ZNF143: variants seen among roughly 807,000 people sequenced by gnomAD.
The protein encoded by ZNF143 is SPH-binding factor.
A neutral mutation model predicts 74.1 loss-of-function variants in ZNF143; 49 were observed. The observed-to-expected ratio is 0.66, with a 90% CI of 0.53 to 0.84. The LOEUF (loss-of-function observed/expected upper bound fraction) is 0.84, where lower values mean the gene tolerates loss of function less well. Ranked by LOEUF, ZNF143 falls within the 40% of genes least tolerant of loss-of-function variation. ZNF143 has a pLI of 0.00. For missense variants in ZNF143, 637 were observed against 793.4 expected, an observed-to-expected ratio of 0.80 and a Z score of 2.37; for synonymous variants, 304 against 282.8, an observed-to-expected ratio of 1.07 and a Z score of -0.75.
chr11:9,513,389 C>G (rs890448671), intron 13 of ZNF143, among the ~76,000 whole-genome samples: 22 of 152,224 alleles, frequency 1.4e-4, no homozygotes, highest in African/African-American at 3.4e-4. Context: ...ACACTATACT[C>G]TCTGTCCTCT....
At chr11:9,521,947 T>A (rs888478739) in intron 14 of ZNF143, among the ~76,000 whole-genome samples, 3 of 151,406 alleles carry the variant, frequency 2.0e-5, no homozygotes, top group Admixed American at 2.0e-4. Flanking sequence ...ATGCCAGTAG[T>A]CCCAGCTACT....
intron 11 of ZNF143, among the ~76,000 whole-genome samples, chr11:9,503,986 G>T (rs71476834): frequency 3.2e-5 from 3 of 94,686 alleles, no homozygotes; most frequent in African/African-American, 1.3e-4. Context: ...TTGAGACAGA[G>T]TCTTGCTGTG....
intron 7 of ZNF143, among the ~76,000 whole-genome samples, chr11:9,483,412 T>G (rs1359182781): frequency 7.0e-6 from 1 of 143,884 alleles, no homozygotes; most frequent in Non-Finnish European, 1.5e-5. Context: ...GTTCTCCTGC[T>G]CAGCCTCCCG....
At chr11:9,516,175 G>A in intron 13 of ZNF143, 26 bp from the exon 14 acceptor site, 1 of 1,610,554 alleles carries the variant, frequency 6.2e-7, no homozygotes, top group Non-Finnish European at 8.5e-7. Flanking sequence ...AACATTGACT[G>A]CTTTGTAAAA....
At chr11:9,519,310 A>T (rs1195377426) in intron 14 of ZNF143, among the ~76,000 whole-genome samples, 1 of 151,608 alleles carries the variant, frequency 6.6e-6, no homozygotes, top group Non-Finnish European at 1.5e-5. Flanking sequence ...CGCCTGGCTA[A>T]TTTTTTTGTA....
At chr11:9,521,788 G>A (rs1246590738) in intron 14 of ZNF143, among the ~76,000 whole-genome samples, 2 of 151,948 alleles carry the variant, frequency 1.3e-5, no homozygotes, top group East Asian at 1.9e-4. Flanking sequence ...TCTGGGGGCC[G>A]GGTGCGGTGG....
intron 12 of ZNF143, among the ~76,000 whole-genome samples, chr11:9,510,979 T>G (rs2134168742): frequency 6.6e-6 from 1 of 152,174 alleles, no homozygotes; most frequent in Middle Eastern, 3.4e-3. Context: ...GTACTGATGG[T>G]TTGCAATCAA....
intron 5 of ZNF143, 121 bp downstream of exon 5, chr11:9,474,754 T>A: frequency 1.9e-6 from 2 of 1,048,864 alleles, no homozygotes; most frequent in Non-Finnish European, 2.8e-6. Flanking sequence ...TTCATTAAAG[T>A]ACAAGGTGGC....
intron 2 of ZNF143, among the ~76,000 whole-genome samples, chr11:9,471,683 G>C (rs1225121043): frequency 6.6e-6 from 1 of 151,358 alleles, no homozygotes; most frequent in Non-Finnish European, 1.5e-5. Flanking sequence ...CTCCCGAGTA[G>C]CTGGGATTAC....
At chr11:9,506,001 G>C (rs968036108) in intron 11 of ZNF143, among the ~76,000 whole-genome samples, 1 of 151,916 alleles carries the variant, frequency 6.6e-6, no homozygotes, top group Non-Finnish European at 1.5e-5. Context: ...TGGATGGGCT[G>C]GGAAAACATT....
chr11:9,464,531 G>A (rs541565359), intron 1 of ZNF143, among the ~76,000 whole-genome samples: 5 of 152,162 alleles, frequency 3.3e-5, no homozygotes, highest in African/African-American at 1.2e-4. Context: ...AACCTGGGAG[G>A]TGGAGGTTGC....
At chr11:9,510,945 G>A (rs541909046) in intron 12 of ZNF143, among the ~76,000 whole-genome samples, 7 of 152,054 alleles carry the variant, frequency 4.6e-5, no homozygotes, top group African/African-American at 1.7e-4. Flanking sequence ...GCCATACATT[G>A]TCTTTACACA....
intron 14 of ZNF143, among the ~76,000 whole-genome samples, chr11:9,521,873 C>A (rs1848942671): frequency 6.6e-6 from 1 of 151,276 alleles, no homozygotes; most frequent in Non-Finnish European, 1.5e-5. Context: ...CAAGACCAAC[C>A]CAGGGCAACA....
intron 14 of ZNF143, among the ~76,000 whole-genome samples, chr11:9,523,626 C>A (rs1034946984): frequency 9.2e-5 from 14 of 151,920 alleles, no homozygotes; most frequent in Non-Finnish European, 1.6e-4. Flanking sequence ...CCCAGCTACT[C>A]GGGAGGCTGA....
intron 7 of ZNF143, among the ~76,000 whole-genome samples, chr11:9,480,398 G>GT (rs541464543): frequency 1.7e-4 from 26 of 150,696 alleles, no homozygotes; most frequent in Admixed American, 4.0e-4. Context: ...CTTTATAGTA[G>GT]TTTTTTTTTC....
chr11:9,510,146 A>C (rs1386473600), intron 12 of ZNF143, among the ~76,000 whole-genome samples: 1 of 142,206 alleles, frequency 7.0e-6, no homozygotes, highest in East Asian at 2.0e-4. Context: ...TATTTTTGAG[A>C]TGGAGTCTCG....
At chr11:9,517,165 C>T (rs1848753014) in intron 14 of ZNF143, among the ~76,000 whole-genome samples, 1 of 152,054 alleles carries the variant, frequency 6.6e-6, no homozygotes, top group African/African-American at 2.4e-5. Context: ...GCTGGGATTA[C>T]AGGCATGAGC....
rs1336325137 is a variant in ZNF143 at position 9,528,315 on chromosome 11, T to TTAC, written c.*704_*706dup. 9 of 152,352 alleles carry TTAC rather than the reference T, an allele frequency of 5.9e-5. No homozygotes were observed. The highest frequency in any genetic ancestry group is 2.2e-4 in the African/African-American group (9 of 41,588). The allele number at this position is 152,352 out of a possible 1,614,324, so 9.4% of individuals were successfully genotyped here. A position where few individuals can be genotyped will look rare whatever the true frequency, so the allele number is the denominator to read the frequency against. Reference sequence around the variant, plus strand: ...GATTTTGCTTAGTATTCAATTTTTATTACTGTTTTTTAAAAATAATGAATC... The same window carrying TTAC: ...GATTTTGCTTAGTATTCAATTTTTATTACTACTGTTTTTTAAAAATAATGAATC... On this transcript the variant is annotated 3_prime_UTR_variant, in exon 16 of 16. Coordinates refer to ENST00000396602, the MANE Select transcript of ZNF143 (RefSeq NM_003442.6).
intron 14 of ZNF143, among the ~76,000 whole-genome samples, chr11:9,518,755 G>A (rs1359297430): frequency 2.0e-5 from 3 of 151,384 alleles, no homozygotes; most frequent in African/African-American, 7.3e-5. Flanking sequence ...TATTTTCATA[G>A]GAAACAAATT....
Sources: allele counts gnomAD v4.1 joint callset (sites outside exome capture counted in the v4.1 genomes callset), GRCh38; gene constraint gnomAD v4.1.1; transcripts MANE v1.5; gene names NCBI Gene and HGNC (gene_info 2026-07-23, HGNC 2026-07-21).